NDFIP1: variants seen among roughly 807,000 people sequenced by gnomAD.
NDFIP1 encodes Nedd4 family interacting protein 1.
Under a neutral mutation model 28.8 loss-of-function variants are expected in NDFIP1, and 7 were observed. The ratio of observed to expected loss-of-function variants is 0.24; its 90% confidence interval spans 0.14 to 0.46. The LOEUF (loss-of-function observed/expected upper bound fraction) is 0.46, where lower values mean the gene tolerates loss of function less well. Ranked by LOEUF, NDFIP1 falls within the 20% of genes least tolerant of loss-of-function variation. The pLI, the probability that NDFIP1 is intolerant of heterozygous loss-of-function variation, is 0.99. For missense variants in NDFIP1, 194 were observed against 269.1 expected (o/e 0.72, Z 1.95); for synonymous variants, 92 against 101.0 (o/e 0.91, Z 0.53).
intron 4 of NDFIP1, 112 bp from the exon 5 acceptor site, chr5:142,137,622 C>A: frequency 2.4e-6 from 3 of 1,239,396 alleles, no homozygotes; most frequent in South Asian, 1.6e-5. Context: ...TTGTGGAGGA[C>A]AGGCTGTCTT....
intron 1 of NDFIP1, among the ~76,000 whole-genome samples, chr5:142,128,661 G>C (rs1757196166): frequency 1.3e-5 from 2 of 152,164 alleles, no homozygotes; most frequent in Non-Finnish European, 2.9e-5. Context: ...CAGCATTATA[G>C]AAATAAGCCA....
At chr5:142,124,973 C>T (rs1757156683) in intron 1 of NDFIP1, among the ~76,000 whole-genome samples, 1 of 152,084 alleles carries the variant, frequency 6.6e-6, no homozygotes, top group Non-Finnish European at 1.5e-5. Flanking sequence ...CTACAGGTGC[C>T]CACCATCACG....
intron 3 of NDFIP1, 143 bp downstream of exon 3, chr5:142,132,485 G>A: frequency 9.3e-7 from 1 of 1,081,022 alleles, no homozygotes; most frequent in Non-Finnish European, 1.3e-6. Context: ...TTTGCTTTTG[G>A]GATAATAAAC....
intron 5 of NDFIP1, among the ~76,000 whole-genome samples, chr5:142,139,986 T>G (rs1416297624): frequency 6.6e-6 from 1 of 152,220 alleles, no homozygotes; most frequent in African/African-American, 2.4e-5. Context: ...TTTTGTATAC[T>G]TTCAAAATAA....
Position 142,109,027 on chromosome 5 carries a change from G to A in NDFIP1, c.53G>A (p.Arg18Gln). The A allele has an allele frequency of 7.0e-7, 1 of 1,430,940 alleles. No homozygotes were observed. Among genetic ancestry groups the A allele is most frequent in the Non-Finnish European group, 9.1e-7 (1 of 1,093,306 alleles). The allele number at this position is 1,430,940 out of a possible 1,614,324, so 88.6% of individuals were successfully genotyped here. A position where few individuals can be genotyped will look rare whatever the true frequency, so the allele number is the denominator to read the frequency against. Reference protein sequence around the residue: ...LAAVEPACGSRYQQLQNEEES... With the variant: ...LAAVEPACGSQYQQLQNEEES... Reference sequence around the variant, plus strand: ...GCGGTCGAGCCGGCCTGCGGCAGCCGGTACCAGCAGGTAAGCGGCGCCCGA... The same window carrying A: ...GCGGTCGAGCCGGCCTGCGGCAGCCAGTACCAGCAGGTAAGCGGCGCCCGA... Residue 18 changes from arginine to glutamine, a missense_variant, in exon 1 of 8, where the codon CGG (arginine) becomes CAG (glutamine). Coordinates refer to ENST00000253814, the MANE Select transcript of NDFIP1 (RefSeq NM_030571.4).
At chr5:142,132,643 C>T (rs1757239111) in intron 3 of NDFIP1, among the ~76,000 whole-genome samples, 1 of 152,138 alleles carries the variant, frequency 6.6e-6, no homozygotes, top group South Asian at 2.1e-4. Flanking sequence ...CTTGATTCTG[C>T]ACACTTAATA....
chr5:142,132,036 G>A, intron 2 of NDFIP1, 141 bp downstream of exon 2: 4 of 1,056,758 alleles, frequency 3.8e-6, no homozygotes, highest in Non-Finnish European at 5.4e-6. Flanking sequence ...TTGAGAAGTG[G>A]ATACATTTAA....
chr5:142,150,180 C>T (rs1356380479), intron 7 of NDFIP1, among the ~76,000 whole-genome samples: 1 of 79,318 alleles, frequency 1.3e-5, no homozygotes, highest in African/African-American at 6.2e-5. Context: ...GACTCCGTCT[C>T]AAAAAAAAAA....
chr5:142,145,258 C>T (rs554256753), intron 7 of NDFIP1, among the ~76,000 whole-genome samples: 7 of 152,282 alleles, frequency 4.6e-5, no homozygotes, highest in African/African-American at 1.7e-4. Context: ...GGAGAAAGGA[C>T]CTTTTCCCTT....
At chr5:142,115,157 C>T (rs1561597423) in intron 1 of NDFIP1, among the ~76,000 whole-genome samples, 1 of 152,086 alleles carries the variant, frequency 6.6e-6, no homozygotes, top group African/African-American at 2.4e-5. Context: ...AAAAAAGTCT[C>T]CAAGAGATTC....
At position 142,140,560 on chromosome 5, in the gene NDFIP1, T is replaced by C; in HGVS notation, c.496-3T>C. Reference sequence around the variant, plus strand: ...CTATAAAGTGTTTTGCCTTATTTTTTAGTTTTCCACCTATTTCCCTGGATA... The same window carrying C: ...CTATAAAGTGTTTTGCCTTATTTTTCAGTTTTCCACCTATTTCCCTGGATA... On this transcript the variant is annotated splice_polypyrimidine_tract_variant and splice_region_variant and intron_variant, in intron 5 of 7. Transcript: ENST00000253814. 5.6e-6 allele frequency: 9 copies of C among 1,608,908 alleles called. No individual in the cohort carries two copies. The highest frequency in any genetic ancestry group is 7.6e-6 in the Non-Finnish European group (9 of 1,177,824).
At chr5:142,125,832 G>A (rs1757164842) in intron 1 of NDFIP1, among the ~76,000 whole-genome samples, 1 of 152,092 alleles carries the variant, frequency 6.6e-6, no homozygotes, top group Non-Finnish European at 1.5e-5. Flanking sequence ...ATTGAGTCTT[G>A]GTTTTGATTT....
intron 3 of NDFIP1, among the ~76,000 whole-genome samples, 167 bp from the exon 4 acceptor site, chr5:142,135,563 A>G (rs1458242321): frequency 1.3e-5 from 2 of 152,192 alleles, no homozygotes; most frequent in African/African-American, 4.8e-5. Flanking sequence ...TTCTAATTAT[A>G]TATTAATAAT....
intron 7 of NDFIP1, among the ~76,000 whole-genome samples, 166 bp from the exon 8 acceptor site, chr5:142,151,565 T>G (rs1485347029): frequency 6.6e-6 from 1 of 152,228 alleles, no homozygotes; most frequent in Non-Finnish European, 1.5e-5. Context: ...GAACTGAAAT[T>G]TTAATGTTTA....
intron 7 of NDFIP1, among the ~76,000 whole-genome samples, chr5:142,150,916 T>G (rs886086289): frequency 2.0e-5 from 3 of 152,188 alleles, no homozygotes; most frequent in African/African-American, 7.2e-5. Context: ...CTTTAGTGTT[T>G]CTTCTTTTAT....
At chr5:142,123,430 A>G (rs905465993) in intron 1 of NDFIP1, among the ~76,000 whole-genome samples, 3 of 152,192 alleles carry the variant, frequency 2.0e-5, no homozygotes, top group Non-Finnish European at 2.9e-5. Flanking sequence ...CACCATGTCC[A>G]GCCATAAAAT....
intron 1 of NDFIP1, among the ~76,000 whole-genome samples, chr5:142,131,542 AATTT>A (rs1265972209): frequency 2.6e-5 from 4 of 152,096 alleles, no homozygotes; most frequent in Admixed American, 1.3e-4. Context: ...GATGTACTAT[AATTT>A]ATTTGTCTCC....
chr5:142,149,489 G>A (rs1170604685), intron 7 of NDFIP1, among the ~76,000 whole-genome samples: 3 of 142,880 alleles, frequency 2.1e-5, no homozygotes, highest in Non-Finnish European at 3.0e-5. Flanking sequence ...TAGTAATACG[G>A]TCCAGAGTCC....
intron 3 of NDFIP1, among the ~76,000 whole-genome samples, chr5:142,133,129 C>T (rs13162515): frequency 7.9e-5 from 12 of 152,200 alleles, no homozygotes; most frequent in Admixed American, 2.0e-4. Context: ...ATGTTCCCCT[C>T]TTGGCTTTAA....
Sources: allele counts gnomAD v4.1 joint callset (sites outside exome capture counted in the v4.1 genomes callset), GRCh38; gene constraint gnomAD v4.1.1; transcripts MANE v1.5; gene names NCBI Gene and HGNC (gene_info 2026-07-23, HGNC 2026-07-21).